FHIP2A: variants seen among roughly 807,000 people sequenced by gnomAD.
FHIP2A encodes FHF complex subunit HOOK interacting protein 2A.
A neutral mutation model predicts 93.5 loss-of-function variants in FHIP2A; 46 were observed. The observed-to-expected ratio is 0.49, with a 90% confidence interval of 0.39 to 0.63. The LOEUF is 0.63. Among genes scored for constraint, FHIP2A ranks in the 20% least tolerant of loss-of-function variants. FHIP2A has a pLI of 0.00. For synonymous variants in FHIP2A, 332 were observed against 326.5 expected (o/e 1.02, Z -0.18); for missense variants, 769 against 909.7 (o/e 0.85, Z 1.99).
intron 1 of FHIP2A, among the ~76,000 whole-genome samples, chr10:114,829,616 C>T (rs1316540633): frequency 2.0e-5 from 3 of 152,136 alleles, no homozygotes; most frequent in South Asian, 4.1e-4. Context: ...CTTGTGATAT[C>T]GGACCTGTGA....
At chr10:114,835,336 A>G (rs11819402) in intron 3 of FHIP2A, among the ~76,000 whole-genome samples, 2,147 of 152,322 alleles carry the variant, frequency 0.014, 55 homozygotes, top group African/African-American at 0.049. Flanking sequence ...GGTCTCAGAT[A>G]TACAATATTA....
At chr10:114,837,786 A>G (rs567526087) in intron 5 of FHIP2A, among the ~76,000 whole-genome samples, 1 of 152,324 alleles carries the variant, frequency 6.6e-6, no homozygotes, top group South Asian at 2.1e-4. Context: ...TAGCAATGTA[A>G]TTAGCCTTTT....
chr10:114,846,874 A>T (rs1748890018), intron 11 of FHIP2A, 146 bp downstream of exon 11: 3 of 791,494 alleles, frequency 3.8e-6, no homozygotes, highest in Non-Finnish European at 5.8e-6. Flanking sequence ...CATTGATACT[A>T]CCATCCTTTT....
chr10:114,863,190 T>C lies in FHIP2A; in HGVS notation c.*1650T>C, dbSNP rs1352823691. On this transcript the variant is annotated 3_prime_UTR_variant, in exon 17 of 17. Coordinates refer to ENST00000369248, the MANE Select transcript of FHIP2A (RefSeq NM_020940.4). ...AGAAAAAACAGAAGTGGGAGATAGT[T>C]ATTTTGTGCGTAATTTTCTTTAAAT... The C allele has an allele frequency of 2.0e-6, 2 of 979,288 alleles. No homozygotes were observed. The highest frequency in any genetic ancestry group is 1.8e-5 in the African/African-American group (1 of 57,102). The allele number at this position is 979,288 out of a possible 1,614,324, so 60.7% of individuals were successfully genotyped here.
At chr10:114,823,335 C>A (rs2083551134) in intron 1 of FHIP2A, among the ~76,000 whole-genome samples, 1 of 152,128 alleles carries the variant, frequency 6.6e-6, no homozygotes, top group Admixed American at 6.5e-5. Context: ...AGCAGTATTA[C>A]ACGGAGGGAA....
chr10:114,882,998 C>A (rs1428175891), intron 16 of FHIP2A, among the ~76,000 whole-genome samples: 1 of 152,000 alleles, frequency 6.6e-6, no homozygotes, highest in Non-Finnish European at 1.5e-5. Flanking sequence ...GAAAGAGCAG[C>A]CAGGAGATGG....
Position 114,850,113 on chromosome 10 carries a change from G to A in FHIP2A, c.1803+1376G>A, listed in dbSNP as rs1292946409. Among the ~76,000 whole-genome samples, 3 of 152,066 alleles carry A rather than the reference G, an allele frequency of 2.0e-5. No individual in the cohort carries two copies. In the East Asian group the frequency reaches 5.8e-4, roughly 29 times the overall value. Reference sequence around the variant, plus strand: ...GAATACGGGTTTTCCGTTTTCTTGGGTATATGCTTAGTAGTAAAATTGATG... The same window carrying A: ...GAATACGGGTTTTCCGTTTTCTTGGATATATGCTTAGTAGTAAAATTGATG... On this transcript the variant is annotated intron_variant, in intron 13 of 16. Coordinates refer to ENST00000369248, the MANE Select transcript of FHIP2A (RefSeq NM_020940.4).
intron 11 of FHIP2A, 25 bp downstream of exon 11, chr10:114,846,753 G>A (rs1275903538): frequency 6.4e-7 from 1 of 1,556,948 alleles, no homozygotes; most frequent in African/African-American, 1.4e-5. Flanking sequence ...AACTCCGTGA[G>A]TTCAGCATTT....
At chr10:114,860,193 C>A (rs888865083) in intron 14 of FHIP2A, among the ~76,000 whole-genome samples, 7 of 152,192 alleles carry the variant, frequency 4.6e-5, no homozygotes, top group South Asian at 2.1e-4. Context: ...AACATTCTGA[C>A]TCTGTCACAT....
In FHIP2A at chr10:114,839,607, G is replaced by A. The variant is rs185014496; in HGVS notation, c.523-3326G>A. Among the ~76,000 whole-genome samples the A allele has an allele frequency of 2.7e-4, 41 of 152,152 alleles. No homozygotes were observed. In the East Asian group the frequency reaches 5.6e-3, roughly 21 times the overall value. On this transcript the variant is annotated intron_variant, in intron 5 of 16. Coordinates refer to ENST00000369248, the MANE Select transcript of FHIP2A (RefSeq NM_020940.4). ...GAAACAGTCTTTGCCGGCCGGGCGC[G>A]GTGGCTCATGCCTGTAATCCCAGCA...
rs1005257646 is a variant in FHIP2A at position 114,863,992 on chromosome 10, C to A, written c.*2452C>A. 9.5e-7 allele frequency: 1 copy of A among 1,051,712 alleles called. No individual in the cohort carries two copies. Among genetic ancestry groups the A allele is most frequent in the Non-Finnish European group, 1.2e-6 (1 of 869,510 alleles). 65.1% of individuals were successfully genotyped at this position (1,051,712 alleles called of 1,614,324 possible). A position where few individuals can be genotyped will look rare whatever the true frequency, so the allele number is the denominator to read the frequency against. ...ACTCAGATTTGTCTTAGCCTATTGC[C>A]ATATAGTACTCACCTTATAACTATG... is the stretch of plus-strand genomic sequence containing the variant. On this transcript the variant is annotated 3_prime_UTR_variant, in exon 17 of 17. Transcript: ENST00000369248.
chr10:114,867,221 AAAG>A (rs992826534), downstream of FHIP2A, among the ~76,000 whole-genome samples: 15 of 151,930 alleles, frequency 9.9e-5, no homozygotes, highest in African/African-American at 2.7e-4. Context: ...AAAAAAAAAA[AAAG>A]AAGTTATAAT....
Position 114,830,964 on chromosome 10 carries a change from G to A in FHIP2A, c.124+34G>A, listed in dbSNP as rs758005311. 3.7e-6 allele frequency: 5 copies of A among 1,337,258 alleles called. No homozygotes were observed. In the South Asian group the frequency reaches 7.1e-5, roughly 19 times the overall value. 82.8% of individuals were successfully genotyped at this position (1,337,258 alleles called of 1,614,324 possible). On this transcript the variant is annotated intron_variant, in intron 2 of 16. Coordinates refer to ENST00000369248, the MANE Select transcript of FHIP2A (RefSeq NM_020940.4). ...CAATGCTGATATTAACTGAAAATTT[G>A]TGAAAGTTAAACAGAAAATTTGTGA...
At chr10:114,839,480 G>A (rs1033327943) in intron 5 of FHIP2A, among the ~76,000 whole-genome samples, 3 of 152,172 alleles carry the variant, frequency 2.0e-5, no homozygotes, top group African/African-American at 7.2e-5. Flanking sequence ...GTGCTTTGCA[G>A]TTCTCAAGCA....
Position 114,863,338 on chromosome 10 carries a change from A to G in FHIP2A, c.*1798A>G. On this transcript the variant is annotated 3_prime_UTR_variant, in exon 17 of 17. Coordinates refer to ENST00000369248, the MANE Select transcript of FHIP2A (RefSeq NM_020940.4). ...TCTACTTTGATATATGAGTATTTAAACTAAGGCATTAAGAGATATTAGATA... is the reference window on the plus strand; with the variant it reads ...TCTACTTTGATATATGAGTATTTAAGCTAAGGCATTAAGAGATATTAGATA... 3.1e-6 allele frequency: 3 copies of G among 982,684 alleles called. No homozygotes were observed. The highest frequency in any genetic ancestry group is 3.6e-6 in the Non-Finnish European group (3 of 826,512). The allele number at this position is 982,684 out of a possible 1,614,324, so 60.9% of individuals were successfully genotyped here. A position where few individuals can be genotyped will look rare whatever the true frequency, so the allele number is the denominator to read the frequency against.
chr10:114,884,819 C>T (rs1415660892), intron 16 of FHIP2A, among the ~76,000 whole-genome samples: 4 of 150,422 alleles, frequency 2.7e-5, no homozygotes, highest in African/African-American at 9.8e-5. Context: ...GAGGCTGAGG[C>T]AGGAGAATCG....
intron 5 of FHIP2A, among the ~76,000 whole-genome samples, chr10:114,840,919 G>A (rs1350429915): frequency 1.3e-5 from 2 of 152,170 alleles, no homozygotes; most frequent in Non-Finnish European, 2.9e-5. Flanking sequence ...AGCTATGTGT[G>A]TGACTATGTT....
At chr10:114,858,984 C>CT (rs1159632542) in intron 14 of FHIP2A, among the ~76,000 whole-genome samples, 1 of 151,816 alleles carries the variant, frequency 6.6e-6, no homozygotes, top group African/African-American at 2.4e-5. Context: ...CATGGACCCC[C>CT]CCCAAAATAG....
At chr10:114,833,478 A>G (rs2083619979) in intron 3 of FHIP2A, 76 bp downstream of exon 3, 3 of 1,323,696 alleles carry the variant, frequency 2.3e-6, no homozygotes, top group African/African-American at 2.9e-5. Flanking sequence ...AAGCTGCCAA[A>G]TACTTGATTA....
Sources: gnomAD v4.1 joint callset for allele counts (sites outside exome capture counted in the v4.1 genomes callset) on GRCh38, gnomAD v4.1.1 for gene constraint, MANE v1.5 for transcripts, NCBI Gene and HGNC (gene_info 2026-07-23, HGNC 2026-07-21) for gene names.